KDM4C: variants seen among roughly 807,000 people sequenced by gnomAD.
KDM4C encodes lysine-specific demethylase 4C.
KDM4C carries 81 observed loss-of-function variants against 129.3 expected under a neutral mutation model. The observed-to-expected ratio is 0.63, with a 90% CI of 0.52 to 0.75. KDM4C has a LOEUF of 0.75. Ranked by LOEUF, KDM4C falls within the 30% of genes least tolerant of loss-of-function variation. The pLI is 0.00. For synonymous variants in KDM4C, 573 were observed against 456.1 expected (o/e 1.26, Z -3.26); for missense variants, 1,457 against 1,304.0 (o/e 1.12, Z -1.81).
chr9:7,044,504 G>A lies in KDM4C; in HGVS notation c.2260-2358G>A, dbSNP rs547048472. 1.2e-4 allele frequency among the ~76,000 whole-genome samples: 18 copies of A among 152,094 alleles called. No homozygotes were observed. The East Asian group carries it at 3.5e-3, about 29-fold the overall frequency. The stretch of plus-strand genomic sequence containing the variant: ...CAGCGAAAGTGATGGCAGTGATGAT[G>A]GAGAGAACAGGGTGGATTTGGAGGT... On this transcript the variant is annotated intron_variant, in intron 15 of 21. Transcript: ENST00000381309.
At chr9:7,052,731 A>G (rs1234363953) in intron 17 of KDM4C, among the ~76,000 whole-genome samples, 2 of 152,164 alleles carry the variant, frequency 1.3e-5, no homozygotes, top group Non-Finnish European at 2.9e-5. Context: ...CAAGTGGTTC[A>G]TCCCTGAAGC....
At position 6,758,742 on chromosome 9, in the gene KDM4C, C is replaced by G. The variant is rs1352999480; in HGVS notation, c.-18+539C>G. 2.0e-5 allele frequency among the ~76,000 whole-genome samples: 3 copies of G among 152,244 alleles called. No individual in the cohort carries two copies. Among genetic ancestry groups the G allele is most frequent in the Non-Finnish European group, 4.4e-5 (3 of 68,040 alleles). ...TCCTTTTGGTGTTTCTTTCCCCCGG[C>G]ATGGGGCCATTTCTTCCTGCAGTGC... On this transcript the variant is annotated intron_variant, in intron 1 of 21. Coordinates refer to ENST00000381309, the MANE Select transcript of KDM4C (RefSeq NM_015061.6). The surrounding 1 kb of genome is among the most constrained non-coding windows in gnomAD (Gnocchi z 4.6).
intron 1 of KDM4C, among the ~76,000 whole-genome samples, chr9:6,731,627 C>T (rs560150029): frequency 3.3e-5 from 5 of 152,104 alleles, no homozygotes; most frequent in Non-Finnish European, 5.9e-5. Context: ...CCACTGCGCC[C>T]GGCCAAGCAA....
chr9:6,864,284 G>T (rs552296955), intron 5 of KDM4C, among the ~76,000 whole-genome samples: 14 of 152,214 alleles, frequency 9.2e-5, no homozygotes, highest in African/African-American at 3.1e-4. Context: ...AGTATTCTTG[G>T]ATGACAATCC....
chr9:7,036,837 G>A (rs948351965), intron 15 of KDM4C, among the ~76,000 whole-genome samples: 1 of 152,148 alleles, frequency 6.6e-6, no homozygotes. Flanking sequence ...AGGGTCTAGA[G>A]CACATCATGG....
At chr9:6,823,407 A>G (rs1345368064) in intron 4 of KDM4C, among the ~76,000 whole-genome samples, 1 of 152,142 alleles carries the variant, frequency 6.6e-6, no homozygotes, top group Non-Finnish European at 1.5e-5. Context: ...TTTCATAAAG[A>G]CTGAGAATTT....
intron 17 of KDM4C, among the ~76,000 whole-genome samples, chr9:7,058,057 A>G (rs1376565465): frequency 6.6e-6 from 1 of 152,170 alleles, no homozygotes; most frequent in Admixed American, 6.6e-5. Context: ...ATACCCTCTC[A>G]TCTATTTCTG....
At chr9:6,880,772 G>C (rs187233449) in intron 6 of KDM4C, among the ~76,000 whole-genome samples, 10 of 152,316 alleles carry the variant, frequency 6.6e-5, no homozygotes, top group African/African-American at 1.9e-4. Flanking sequence ...GCCAATGCAA[G>C]CAGCCACCTT....
intron 4 of KDM4C, among the ~76,000 whole-genome samples, chr9:6,821,356 A>G (rs948626701): frequency 2.4e-4 from 37 of 151,932 alleles, no homozygotes; most frequent in African/African-American, 5.3e-4. Context: ...AAGCGTTCCT[A>G]TTTTTCCACA....
At chr9:7,139,037 C>T (rs188019830) in intron 19 of KDM4C, among the ~76,000 whole-genome samples, 135 of 152,138 alleles carry the variant, frequency 8.9e-4, no homozygotes, top group Non-Finnish European at 1.4e-3. Flanking sequence ...CTTGGGAGTT[C>T]GAGGCAGGCA....
chr9:7,155,542 G>A (rs998379152), intron 19 of KDM4C, among the ~76,000 whole-genome samples: 6 of 151,982 alleles, frequency 3.9e-5, no homozygotes, highest in African/African-American at 1.4e-4. Context: ...GGTGTGTGAT[G>A]TTCCCTGCCC....
chr9:7,022,235 G>C (rs1824997923), intron 15 of KDM4C, among the ~76,000 whole-genome samples: 1 of 152,198 alleles, frequency 6.6e-6, no homozygotes, highest in South Asian at 2.1e-4. Flanking sequence ...TCTTTAGATA[G>C]CTTTGGATAG....
chr9:7,060,805 A>G (rs1831549741), intron 17 of KDM4C, among the ~76,000 whole-genome samples: 1 of 149,554 alleles, frequency 6.7e-6, no homozygotes, highest in African/African-American at 2.5e-5. Context: ...AAAGGAGTAG[A>G]CTTTTGATGT....
chr9:6,807,448 C>T (rs1241806477), intron 3 of KDM4C, among the ~76,000 whole-genome samples: 2 of 146,086 alleles, frequency 1.4e-5, no homozygotes, highest in South Asian at 2.2e-4. Flanking sequence ...AGCGCCTCTT[C>T]CCAGCCGCCA....
Position 6,758,283 on chromosome 9 carries a change from T to TG in KDM4C, c.-18+84dup, listed in dbSNP as rs1818664375. On this transcript the variant is annotated intron_variant, in intron 1 of 21. Coordinates refer to ENST00000381309, the MANE Select transcript of KDM4C (RefSeq NM_015061.6). The surrounding 1 kb of genome is among the most constrained non-coding windows in gnomAD (Gnocchi z 4.6). ...CTTCCCGGCACTGCCCCCCTCCGCG[T>TG]GGGGCACGGGGGTGCGGGCGTCCGG... 5.9e-6 allele frequency: 5 copies of TG among 850,500 alleles called. No individual in the cohort carries two copies. In the South Asian group the frequency reaches 2.7e-4, roughly 46 times the overall value. 52.7% of individuals were successfully genotyped at this position (850,500 alleles called of 1,614,324 possible). A position where few individuals can be genotyped will look rare whatever the true frequency, so the allele number is the denominator to read the frequency against.
chr9:7,040,752 C>G (rs1828450555), intron 15 of KDM4C, among the ~76,000 whole-genome samples: 1 of 151,690 alleles, frequency 6.6e-6, no homozygotes, highest in Admixed American at 6.6e-5. Context: ...TTAGATGTCA[C>G]TTGTAACTCA....
At chr9:6,742,497 G>A (rs1037807571) in intron 1 of KDM4C, among the ~76,000 whole-genome samples, 3 of 151,166 alleles carry the variant, frequency 2.0e-5, no homozygotes, top group Admixed American at 1.3e-4. Flanking sequence ...GCTGGCCTTC[G>A]TGAGTATCAG....
intron 12 of KDM4C, among the ~76,000 whole-genome samples, chr9:7,008,740 C>G (rs953192013): frequency 6.6e-6 from 1 of 152,214 alleles, no homozygotes; most frequent in East Asian, 1.9e-4. Context: ...ACATGGTGGA[C>G]TTAGGCTCCA....
chr9:6,894,016 G>T (rs1287413988), intron 8 of KDM4C, among the ~76,000 whole-genome samples: 1 of 152,158 alleles, frequency 6.6e-6, no homozygotes, highest in Non-Finnish European at 1.5e-5. Context: ...ATGTAAAGTT[G>T]ACGTAGATTT....
Sources: allele counts gnomAD v4.1 joint callset (sites outside exome capture counted in the v4.1 genomes callset), GRCh38; gene constraint gnomAD v4.1.1; non-coding constraint Gnocchi (gnomAD v3.1); transcripts MANE v1.5; gene names NCBI Gene and HGNC (gene_info 2026-07-23, HGNC 2026-07-21).